The following RALGDS variants were observed in gnomAD, a reference collection of about 807,000 sequenced individuals.
RALGDS encodes the protein ral guanine nucleotide exchange factor.
In RALGDS, 44 loss-of-function variants were observed where a neutral mutation model predicts 99.8. That is an observed-to-expected ratio of 0.44 (90% CI 0.35 to 0.57). The LOEUF (loss-of-function observed/expected upper bound fraction) is 0.57. Ranked by LOEUF, RALGDS falls within the 20% of genes least tolerant of loss-of-function variation. The probability of loss-of-function intolerance (pLI) is 0.01; values close to 1 mark genes in which losing one functional copy is unlikely to be tolerated. For synonymous variants in RALGDS, 529 were observed against 505.0 expected, an observed-to-expected ratio of 1.05 and a Z score of -0.64; for missense variants, 1,022 against 1,203.1, an observed-to-expected ratio of 0.85 and a Z score of 2.23.
At chr9:133,115,642 G>T (rs1263424392) in intron 1 of RALGDS, among the ~76,000 whole-genome samples, 1 of 152,210 alleles carries the variant, frequency 6.6e-6, no homozygotes, top group Non-Finnish European at 1.5e-5. Flanking sequence ...GCAACAGTGG[G>T]GGTCAAGAGA....
In RALGDS at chr9:133,110,464, A is replaced by G. The variant is rs1216643435; in HGVS notation, c.320T>C (p.Leu107Pro). ...GGTCCGCACCTTGCAAGTCTCATAA[A>G]GGTTCAGGGCCGACTCATTCTCATA... ...LGYENESALN[L>P]YETCKVRTVK... is the part of the protein sequence containing the mutation. The change falls in exon 3 of 18, where the codon CTT becomes CCT. Residue 107 changes from leucine (L) to proline (P), a missense_variant. This residue lies in a region of RALGDS where 180 missense variants were observed against 169.3 expected (regional missense o/e 1.06). Coordinates refer to ENST00000372050, the MANE Select transcript of RALGDS (RefSeq NM_006266.4). The G allele has an allele frequency of 3.1e-6, 5 of 1,613,052 alleles. No individual in the cohort carries two copies. The East Asian group carries it at 1.1e-4, about 36-fold the overall frequency.
intron 3 of RALGDS, 144 bp from the exon 4 acceptor site, chr9:133,109,865 T>G (rs896881036): frequency 2.8e-6 from 2 of 709,924 alleles, no homozygotes; most frequent in Admixed American, 4.4e-5. Context: ...GCTTCATATA[T>G]ATTTGTTCAA....
Position 133,144,669 on chromosome 9 carries a change from C to G in RALGDS, c.18+4294G>C, listed in dbSNP as rs1362758325. Among the ~76,000 whole-genome samples the G allele has an allele frequency of 1.3e-5, 2 of 152,250 alleles. No individual in the cohort carries two copies. Among genetic ancestry groups the G allele is most frequent in the African/African-American group, 2.4e-5 (1 of 41,480 alleles). ...GGGCTCCGCTCACGCCCCCACACCCCCTGGCTGGGGGCTGGGTTCCTGCGA... is the reference window on the plus strand; with the variant it reads ...GGGCTCCGCTCACGCCCCCACACCCGCTGGCTGGGGGCTGGGTTCCTGCGA... On this transcript the variant is annotated intron_variant, in intron 1 of 17. Coordinates refer to the RALGDS transcript ENST00000393160. This position sits in a 1 kb window ranked among gnomAD's most constrained non-coding sequence, Gnocchi z 4.5.
chr9:133,131,422 C>T (rs370714429), upstream of RALGDS, among the ~76,000 whole-genome samples: 521 of 152,226 alleles, frequency 3.4e-3, 8 homozygotes, highest in African/African-American at 0.012. Context: ...ATTTCTGTCC[C>T]ACCCAGAAGA....
At chr9:133,102,960 T>A in intron 12 of RALGDS, 60 bp from the exon 13 acceptor site, 1 of 1,602,492 alleles carries the variant, frequency 6.2e-7, no homozygotes, top group Non-Finnish European at 8.5e-7. Context: ...CAGGGGCCAG[T>A]CTCTGGGTCT....
chr9:133,102,941 C>CG (rs1352341598), intron 12 of RALGDS, 41 bp from the exon 13 acceptor site: 1 of 1,609,590 alleles, frequency 6.2e-7, no homozygotes, highest in Admixed American at 1.7e-5. Flanking sequence ...CAAGGCCCCC[C>CG]GGGCAGCACA....
Position 133,102,511 on chromosome 9 carries a change from G to T in RALGDS, c.1974C>A (p.Thr658=). ...PSESASNTLR[T]KKNTAIVKRW... ...GCTTGACAATGGCTGTGTTCTTCTT[G>T]GTCCTGAGGGTGTTGCTGGCTGACT... Residue 658 remains threonine (T), a synonymous_variant, in exon 14 of 18, where the codon ACC becomes ACA. Coordinates refer to ENST00000372050, the MANE Select transcript of RALGDS (RefSeq NM_006266.4). The T allele has an allele frequency of 1.2e-6, 2 of 1,614,106 alleles. No individual in the cohort carries two copies. Among genetic ancestry groups the T allele is most frequent in the South Asian group, 2.2e-5 (2 of 91,090 alleles).
In RALGDS at chr9:133,101,087, G is replaced by A. The variant is rs180685900; in HGVS notation, c.2454+433C>T. On this transcript the variant is annotated intron_variant, in intron 16 of 17. Coordinates refer to ENST00000372050, the MANE Select transcript of RALGDS (RefSeq NM_006266.4). Reference sequence around the variant, plus strand: ...ATCCTGTCTAGACTCTGACCCTGCTGGCCCCTTCCAGGGCTCCCAGCCTGG... The same window carrying A: ...ATCCTGTCTAGACTCTGACCCTGCTAGCCCCTTCCAGGGCTCCCAGCCTGG... 11 of 1,121,564 alleles carry A rather than the reference G, an allele frequency of 9.8e-6. No homozygotes were observed. The African/African-American group carries it at 1.1e-4, about 12-fold the overall frequency. The allele number at this position is 1,121,564 out of a possible 1,614,324, so 69.5% of individuals were successfully genotyped here.
Position 133,097,894 on chromosome 9 carries a change from G to A in RALGDS, c.*693C>T, listed in dbSNP as rs117242941. 0.025 allele frequency: 3,393 copies of A among 137,462 alleles called. 39 individuals carry two copies. The highest frequency in any genetic ancestry group is 0.036 in the Non-Finnish European group (2,552 of 70,718). 8.5% of individuals were successfully genotyped at this position (137,462 alleles called of 1,614,324 possible). On this transcript the variant is annotated 3_prime_UTR_variant, in exon 18 of 18. Transcript: ENST00000372050. Reference sequence around the variant, plus strand: ...AAATCCTCCTTCCTCACTAACCCCCGTCTTGCATGGTCTCGTAAAGCCCAG... The same window carrying A: ...AAATCCTCCTTCCTCACTAACCCCCATCTTGCATGGTCTCGTAAAGCCCAG...
Position 133,112,144 on chromosome 9 carries a change from C to T in RALGDS, c.192G>A (p.Thr64=), listed in dbSNP as rs896893855. The change falls in exon 2 of 18, where the codon ACG becomes ACA. Residue 64 remains threonine, a synonymous_variant. Transcript: ENST00000372050. ...TGATCAGCTCCTCACCGATCTCCTG[C>T]GTGGAGCTCTGTGAAGACAACGCCC... ...DPDLPRPESS[T]QEIGEELING... 6.4e-6 allele frequency: 10 copies of T among 1,562,050 alleles called. No homozygotes were observed. The highest frequency in any genetic ancestry group is 8.7e-6 in the Non-Finnish European group (10 of 1,152,394).
chr9:133,100,401 T>A lies in RALGDS; in HGVS notation c.2455-19A>T, dbSNP rs1588506650. The A allele has an allele frequency of 1.9e-6, 3 of 1,613,620 alleles. No individual in the cohort carries two copies. Among genetic ancestry groups the A allele is most frequent in the Non-Finnish European group, 2.5e-6 (3 of 1,179,720 alleles). ...TGGTCACCTGCATCGCGGCGGGGGA[T>A]GGACCATCAGGGAAAAGACCCTGGA... is the stretch of plus-strand genomic sequence containing the variant. On this transcript the variant is annotated intron_variant, in intron 16 of 17. Coordinates refer to ENST00000372050, the MANE Select transcript of RALGDS (RefSeq NM_006266.4).
chr9:133,115,320 G>A (rs530568740), intron 1 of RALGDS, among the ~76,000 whole-genome samples: 3 of 152,200 alleles, frequency 2.0e-5, no homozygotes, highest in South Asian at 2.1e-4. Flanking sequence ...GGGCTGAAGC[G>A]GAGTGAGGAG....
chr9:133,121,100 G>A lies in RALGDS; in HGVS notation c.55C>T (p.Leu19=). 6.8e-7 allele frequency: 1 copy of A among 1,473,040 alleles called. No individual in the cohort carries two copies. The highest frequency in any genetic ancestry group is 1.3e-5 in the South Asian group (1 of 78,268). 91.2% of individuals were successfully genotyped at this position (1,473,040 alleles called of 1,614,324 possible). A position where few individuals can be genotyped will look rare whatever the true frequency, so the allele number is the denominator to read the frequency against. The part of the protein sequence containing the change: ...AAGPAGGAEP[L]FPGSRRSRSV... ...CGGCTCCGCCGGGAGCCCGGAAACA[G>A]CGGCTCGGCGCCGCCAGCAGGCCCG... The change falls in exon 1 of 18, where the codon CTG becomes TTG. Residue 19 remains leucine (L), a synonymous_variant. Transcript: ENST00000372050.
intron 1 of RALGDS, among the ~76,000 whole-genome samples, chr9:133,119,947 C>A (rs1380010960): frequency 6.6e-6 from 1 of 152,182 alleles, no homozygotes; most frequent in Non-Finnish European, 1.5e-5. Flanking sequence ...AGTCTAAAGC[C>A]ATGAAGCGAC....
intron 17 of RALGDS, chr9:133,099,935 G>A (rs1234299218): frequency 2.6e-6 from 1 of 382,626 alleles, no homozygotes; most frequent in Non-Finnish European, 5.0e-6. Context: ...ACCATTCTTT[G>A]TAGAGCACAT....
At position 133,129,411 on chromosome 9, in the gene RALGDS, G is replaced by A. The variant is rs866693463; in HGVS notation, c.132+1541C>T. The stretch of plus-strand genomic sequence containing the variant: ...CGTGCCCTAGTGGAGTGGAGCACCC[G>A]AGTGCCTGGGCCTGGTGTCACCCGC... On this transcript the variant is annotated intron_variant, in intron 1 of 17. Coordinates refer to the RALGDS transcript ENST00000372062. 173 of 1,429,694 alleles carry A rather than the reference G, an allele frequency of 1.2e-4. 4 individuals are homozygous for A. Among genetic ancestry groups the A allele is most frequent in the South Asian group, 8.4e-4 (56 of 66,478 alleles). 88.6% of individuals were successfully genotyped at this position (1,429,694 alleles called of 1,614,324 possible).
upstream of RALGDS, among the ~76,000 whole-genome samples, chr9:133,125,688 A>G (rs1415438113): frequency 1.3e-5 from 2 of 152,148 alleles, no homozygotes; most frequent in African/African-American, 2.4e-5. Flanking sequence ...GTGAGCCGAG[A>G]TTGCACCACC....
At chr9:133,135,712 T>C (rs371998950), upstream of RALGDS, among the ~76,000 whole-genome samples, 163 of 152,346 alleles carry the variant, frequency 1.1e-3, no homozygotes, top group Non-Finnish European at 2.0e-3. Context: ...TTTCCCTTGC[T>C]GAGCCTTGGT....
rs551848535 is a variant in RALGDS at position 133,098,514 on chromosome 9, C to T, written c.*73G>A. On this transcript the variant is annotated 3_prime_UTR_variant, in exon 18 of 18. Transcript: ENST00000372050. ...CCTGGGCTGGCAGGTGGGAGGAAGG[C>T]GCCCAGCTGGCCTGGGCCACTCTGG... 14 of 1,523,490 alleles carry T rather than the reference C, an allele frequency of 9.2e-6. No individual in the cohort carries two copies. The highest frequency in any genetic ancestry group is 6.8e-5 in the South Asian group (6 of 87,662). 94.4% of individuals were successfully genotyped at this position (1,523,490 alleles called of 1,614,324 possible).
Sources: allele counts gnomAD v4.1 joint callset (sites outside exome capture counted in the v4.1 genomes callset), GRCh38; gene constraint gnomAD v4.1.1; regional missense constraint gnomAD v4.1.1; non-coding constraint Gnocchi (gnomAD v3.1); transcripts MANE v1.5; gene names NCBI Gene and HGNC (gene_info 2026-07-23, HGNC 2026-07-21).